The following H2AZ2 variants were observed in gnomAD, a reference collection of about 807,000 sequenced individuals.
H2AZ2 encodes histone H2A.V.
In H2AZ2, 5 loss-of-function variants were observed where a neutral mutation model predicts 15.5. That is an observed-to-expected ratio of 0.32 (90% confidence interval 0.17 to 0.68). H2AZ2 has a LOEUF of 0.68. Among genes scored for constraint, H2AZ2 ranks in the 30% least tolerant of loss-of-function variants. The pLI is 0.72. For missense variants in H2AZ2, 42 were observed against 162.5 expected (o/e 0.26, Z 4.03); for synonymous variants, 44 against 57.4 (o/e 0.77, Z 1.05).
downstream of H2AZ2, chr7:44,828,176 G>A (rs1792951879): frequency 6.6e-6 from 1 of 152,106 alleles, no homozygotes; most frequent in South Asian, 2.1e-4. Context: ...ACATTTTTCT[G>A]AAATGTCAAA....
chr7:44,840,300 C>T (rs1793243343), intron 3 of H2AZ2, among the ~76,000 whole-genome samples: 1 of 152,150 alleles, frequency 6.6e-6, no homozygotes, highest in Non-Finnish European at 1.5e-5. Context: ...CCAGCCTAGT[C>T]TGGAACTCCA....
At chr7:44,840,456 T>C (rs1433247427) in intron 3 of H2AZ2, among the ~76,000 whole-genome samples, 26 of 152,112 alleles carry the variant, frequency 1.7e-4, no homozygotes, top group Non-Finnish European at 1.5e-5. Context: ...GCTGACAAGA[T>C]GCATCTCAAA....
At chr7:44,842,279 C>T (rs571192205) in intron 2 of H2AZ2, among the ~76,000 whole-genome samples, 7 of 152,260 alleles carry the variant, frequency 4.6e-5, no homozygotes, top group African/African-American at 1.7e-4. Flanking sequence ...CCCTGTGCTC[C>T]TTTCTCATTC....
chr7:44,847,736 C>T (rs569094485), intron 1 of H2AZ2, among the ~76,000 whole-genome samples: 1 of 152,322 alleles, frequency 6.6e-6, no homozygotes, highest in Admixed American at 6.5e-5. Flanking sequence ...ACAGATCTAT[C>T]CGGCTCGGAA....
chr7:44,843,144 A>C (rs1333620058), intron 2 of H2AZ2, 133 bp downstream of exon 2: 1 of 79,510 alleles, frequency 1.3e-5, no homozygotes, highest in Non-Finnish European at 3.0e-5. Context: ...TCTCAAAAAA[A>C]AAAAAAAAAA....
At chr7:44,836,732 C>A (rs529795975) in intron 3 of H2AZ2, among the ~76,000 whole-genome samples, 1 of 151,948 alleles carries the variant, frequency 6.6e-6, no homozygotes, top group African/African-American at 2.4e-5. Flanking sequence ...CGCGGTGGCT[C>A]ACACCTGTAA....
upstream of H2AZ2, chr7:44,848,114 G>A (rs921383444): frequency 4.8e-6 from 2 of 418,684 alleles, no homozygotes; most frequent in Admixed American, 4.8e-5. Flanking sequence ...TGTGGCCAAT[G>A]CCCGCTTGTC....
At chr7:44,844,318 A>G (rs1251124742) in intron 1 of H2AZ2, among the ~76,000 whole-genome samples, 1 of 152,238 alleles carries the variant, frequency 6.6e-6, no homozygotes, top group Non-Finnish European at 1.5e-5. Flanking sequence ...CCTTGAGGAC[A>G]TTATGCTAAG....
downstream of H2AZ2, chr7:44,829,848 G>A: frequency 3.6e-6 from 1 of 281,526 alleles, no homozygotes; most frequent in Non-Finnish European, 6.7e-6. Flanking sequence ...TGGTAGTGTG[G>A]ACCAACACTG....
intron 3 of H2AZ2, among the ~76,000 whole-genome samples, chr7:44,840,669 G>A (rs2117037529): frequency 6.6e-6 from 1 of 152,314 alleles, no homozygotes; most frequent in African/African-American, 2.4e-5. Context: ...TACTTGGGAG[G>A]CTGAGGTGGG....
intron 3 of H2AZ2, 145 bp from the exon 4 acceptor site, chr7:44,835,803 A>G: frequency 1.5e-6 from 1 of 688,200 alleles, no homozygotes; most frequent in Non-Finnish European, 2.2e-6. Context: ...TAATGCTTTT[A>G]TAAAGCTCTA....
intron 4 of H2AZ2, 80 bp downstream of exon 4, chr7:44,835,449 A>C: frequency 8.4e-7 from 1 of 1,193,788 alleles, no homozygotes; most frequent in Admixed American, 2.4e-5. Context: ...TTAACCGATC[A>C]AATATACTAT....
intron 4 of H2AZ2, chr7:44,835,145 T>C: frequency 4.6e-6 from 1 of 218,196 alleles, no homozygotes; most frequent in Non-Finnish European, 9.0e-6. Flanking sequence ...AACCACCAAC[T>C]TACCTCTCAC....
At chr7:44,842,142 G>C (rs1321045259) in intron 2 of H2AZ2, among the ~76,000 whole-genome samples, 1 of 152,086 alleles carries the variant, frequency 6.6e-6, no homozygotes, top group Non-Finnish European at 1.5e-5. Flanking sequence ...TGTATCCTTA[G>C]TAACCAGTAT....
chr7:44,842,057 T>C (rs1203026731), intron 2 of H2AZ2, among the ~76,000 whole-genome samples: 1 of 152,040 alleles, frequency 6.6e-6, no homozygotes, highest in Non-Finnish European at 1.5e-5. Context: ...ACAAGCAATC[T>C]TTTTTTTGCA....
chr7:44,848,004 G>T lies in H2AZ2; in HGVS notation c.-33C>A. ...GCGCCGACTCCGCCTCCGCTCGGCCGCGCGCCCTCCCGCTGCCGACCCGCG... is the reference window on the plus strand; with the variant it reads ...GCGCCGACTCCGCCTCCGCTCGGCCTCGCGCCCTCCCGCTGCCGACCCGCG... On this transcript the variant is annotated 5_prime_UTR_variant, in exon 1 of 5. Coordinates refer to ENST00000308153, the MANE Select transcript of H2AZ2 (RefSeq NM_012412.5). 1 of 1,327,346 alleles carries T rather than the reference G, an allele frequency of 7.5e-7. No individual in the cohort carries two copies. Among genetic ancestry groups the T allele is most frequent in the Non-Finnish European group, 9.6e-7 (1 of 1,039,640 alleles). The allele number at this position is 1,327,346 out of a possible 1,614,324, so 82.2% of individuals were successfully genotyped here. A position where few individuals can be genotyped will look rare whatever the true frequency, so the allele number is the denominator to read the frequency against.
At chr7:44,844,870 T>G (rs1793359997) in intron 1 of H2AZ2, among the ~76,000 whole-genome samples, 2 of 152,210 alleles carry the variant, frequency 1.3e-5, no homozygotes, top group South Asian at 4.1e-4. Context: ...ACACATGTAT[T>G]TCTAGTAGGT....
chr7:44,843,520 T>C (rs540946775), intron 1 of H2AZ2, among the ~76,000 whole-genome samples, 166 bp from the exon 2 acceptor site: 1 of 152,338 alleles, frequency 6.6e-6, no homozygotes, highest in Admixed American at 6.5e-5. Flanking sequence ...CCTTTTATAA[T>C]TTCTATCAAA....
intron 3 of H2AZ2, among the ~76,000 whole-genome samples, chr7:44,838,443 G>A (rs959235452): frequency 1.3e-5 from 2 of 152,102 alleles, no homozygotes; most frequent in Non-Finnish European, 1.5e-5. Context: ...TTGAGGTCAG[G>A]AGTTCGAGAT....
Sources: allele counts gnomAD v4.1 joint callset (sites outside exome capture counted in the v4.1 genomes callset), GRCh38; gene constraint gnomAD v4.1.1; transcripts MANE v1.5; gene names NCBI Gene and HGNC (gene_info 2026-07-23, HGNC 2026-07-21).